The following TMEM80 variants were observed in gnomAD, a reference collection of about 807,000 sequenced individuals.
TMEM80 encodes transmembrane protein 80.
In TMEM80, 16 loss-of-function variants were observed where a neutral mutation model predicts 13.6. That is an observed-to-expected ratio of 1.17 (90% CI 0.79 to 1.78). The LOEUF is 1.78. Among genes scored for constraint, TMEM80 ranks in the 40% most tolerant of loss-of-function variants. The pLI is 0.00. For synonymous variants in TMEM80, 92 were observed against 89.5 expected, an observed-to-expected ratio of 1.03 and a Z score of -0.16; for missense variants, 167 against 184.6, an observed-to-expected ratio of 0.90 and a Z score of 0.55.
chr11:704,346 G>T, downstream of TMEM80: 1 of 899,386 alleles, frequency 1.1e-6, no homozygotes, highest in Non-Finnish European at 1.5e-6. Flanking sequence ...CTGTGGCTGT[G>T]GCACCTGGAC....
At chr11:704,367 G>GTGGCA, downstream of TMEM80, 1 of 1,064,550 alleles carries the variant, frequency 9.4e-7, no homozygotes, top group Non-Finnish European at 1.3e-6. Context: ...AGTCTTTCCT[G>GTGGCA]CCTGTCTTCG....
chr11:700,806 G>T, intron 4 of TMEM80, 99 bp downstream of exon 4: 1 of 1,173,174 alleles, frequency 8.5e-7, no homozygotes, highest in South Asian at 1.2e-5. Context: ...GGTTCTCAGA[G>T]ACATTTTTTA....
At chr11:696,188 A>G (rs1413102804) in intron 1 of TMEM80, among the ~76,000 whole-genome samples, 1 of 151,934 alleles carries the variant, frequency 6.6e-6, no homozygotes, top group Non-Finnish European at 1.5e-5. Flanking sequence ...GTAGCCTTGG[A>G]ACTCTCGCCA....
chr11:700,303 G>C, intron 3 of TMEM80, 68 bp downstream of exon 3: 3 of 1,399,340 alleles, frequency 2.1e-6, no homozygotes, highest in Non-Finnish European at 3.0e-6. Flanking sequence ...GAGGTGGGCG[G>C]ATCACTTGAG....
intron 1 of TMEM80, chr11:697,598 A>G (rs1334270988): frequency 6.6e-6 from 1 of 152,222 alleles, no homozygotes; most frequent in African/African-American, 2.4e-5. Flanking sequence ...CAACTAGCAG[A>G]CACATTGGAA....
At chr11:701,511 C>G (rs11246272) in intron 4 of TMEM80, among the ~76,000 whole-genome samples, 15 of 149,574 alleles carry the variant, frequency 1.0e-4, no homozygotes, top group Admixed American at 1.0e-3. Context: ...CCCGGGTTCA[C>G]GCCAGTCTCC....
downstream of TMEM80, chr11:704,606 C>T (rs1420373274): frequency 1.7e-6 from 2 of 1,199,914 alleles, no homozygotes; most frequent in Admixed American, 5.8e-5. Flanking sequence ...CAGGGAAGGA[C>T]CCCCTCCCTG....
chr11:702,419 A>G (rs1030574077), intron 4 of TMEM80, among the ~76,000 whole-genome samples: 1 of 152,212 alleles, frequency 6.6e-6, no homozygotes, highest in African/African-American at 2.4e-5. Flanking sequence ...TGCTAGGCCA[A>G]CGGGACCCTC....
Position 700,376 on chromosome 11 carries a change from AAGT to A in TMEM80, c.133+144_133+146del, listed in dbSNP as rs1481930521. 15 of 817,740 alleles carry A rather than the reference AAGT, an allele frequency of 1.8e-5. No homozygotes were observed. The East Asian group carries it at 3.0e-4, about 17-fold the overall frequency. The allele number at this position is 817,740 out of a possible 1,614,324, so 50.7% of individuals were successfully genotyped here. ...ACCCCATCTCTACTAAAAACACAAA[AAGT>A]AGCCGGGCGTGGTGGTGGGCGCCTG... On this transcript the variant is annotated intron_variant, in intron 3 of 4. Coordinates refer to ENST00000397510, the MANE Select transcript of TMEM80 (RefSeq NM_001042463.3).
downstream of TMEM80, chr11:704,631 T>C (rs944223663): frequency 3.9e-6 from 5 of 1,289,374 alleles, no homozygotes; most frequent in Non-Finnish European, 4.0e-6. Flanking sequence ...TGGAGACCTG[T>C]TGCCTTCATG....
Position 700,230 on chromosome 11 carries a change from A to G in TMEM80, c.128A>G (p.Tyr43Cys). The G allele has an allele frequency of 6.2e-7, 1 of 1,613,624 alleles. No homozygotes were observed. Among genetic ancestry groups the G allele is most frequent in the Non-Finnish European group, 8.5e-7 (1 of 1,179,846 alleles). The change falls in exon 3 of 5, where the codon TAT (tyrosine) becomes TGT (cysteine). Residue 43 changes from tyrosine (Y) to cysteine (C), a missense_variant. By Grantham distance (194) the Tyr-to-Cys change is radical. Transcript: ENST00000397510. ...YFLATLLMIT[Y>C]KSQVFSYPHR... Reference sequence around the variant, plus strand: ...CTCGCCACGCTCCTGATGATCACGTATAAAAGTAAGTCAGGGACGGGCACA... The same window carrying G: ...CTCGCCACGCTCCTGATGATCACGTGTAAAAGTAAGTCAGGGACGGGCACA...
At chr11:696,312 C>G (rs767937438) in intron 1 of TMEM80, among the ~76,000 whole-genome samples, 1 of 152,112 alleles carries the variant, frequency 6.6e-6, no homozygotes, top group African/African-American at 2.4e-5. Flanking sequence ...GAGCCGCCTT[C>G]TGCTGTCTGT....
At position 703,668 on chromosome 11, in the gene TMEM80, AC is replaced by A. The variant is rs1341948605; in HGVS notation, c.*522del. 8 of 1,232,176 alleles carry A rather than the reference AC, an allele frequency of 6.5e-6. No homozygotes were observed. The highest frequency in any genetic ancestry group is 8.1e-6 in the Non-Finnish European group (8 of 988,392). 76.3% of individuals were successfully genotyped at this position (1,232,176 alleles called of 1,614,324 possible). Reference sequence around the variant, plus strand: ...TGGGGTAGGCCTTGTGCTCTGAGCAACCCCAGCTCTGCCTCACAGGCAGGCA... The same window carrying A: ...TGGGGTAGGCCTTGTGCTCTGAGCAACCCAGCTCTGCCTCACAGGCAGGCA... On this transcript the variant is annotated 3_prime_UTR_variant, in exon 5 of 5. Transcript: ENST00000397510.
At chr11:699,438 A>T (rs1861344039) in intron 2 of TMEM80, 1 of 153,508 alleles carries the variant, frequency 6.5e-6, no homozygotes, top group African/African-American at 2.5e-5. Flanking sequence ...ACAGAAATAT[A>T]TTTCCTCTGA....
downstream of TMEM80, chr11:704,295 A>C: frequency 4.4e-6 from 3 of 687,998 alleles, no homozygotes; most frequent in South Asian, 1.8e-5. Context: ...AGGCTGCGGG[A>C]CTGTCCTGGG....
At position 700,239 on chromosome 11, in the gene TMEM80, A is replaced by G. The variant is rs1861382793; in HGVS notation, c.133+4A>G. On this transcript the variant is annotated splice_donor_region_variant and intron_variant, in intron 3 of 4. Coordinates refer to ENST00000397510, the MANE Select transcript of TMEM80 (RefSeq NM_001042463.3). ...CTCCTGATGATCACGTATAAAAGTAAGTCAGGGACGGGCACAGTGGCTCAC... is the reference window on the plus strand; with the variant it reads ...CTCCTGATGATCACGTATAAAAGTAGGTCAGGGACGGGCACAGTGGCTCAC... 6 of 1,612,814 alleles carry G rather than the reference A, an allele frequency of 3.7e-6. No individual in the cohort carries two copies. The highest frequency in any genetic ancestry group is 5.1e-6 in the Non-Finnish European group (6 of 1,179,438).
chr11:697,208 C>G (rs1393304245), intron 1 of TMEM80, among the ~76,000 whole-genome samples: 1 of 151,930 alleles, frequency 6.6e-6, no homozygotes, highest in African/African-American at 2.4e-5. Flanking sequence ...GAGCTGTGAT[C>G]AGGCCACTGC....
rs999127499 is a variant in TMEM80 at position 695,826 on chromosome 11, A to G, written c.-2A>G. 1.9e-5 allele frequency: 23 copies of G among 1,230,886 alleles called. No homozygotes were observed. Among genetic ancestry groups the G allele is most frequent in the Non-Finnish European group, 2.2e-5 (22 of 986,536 alleles). The allele number at this position is 1,230,886 out of a possible 1,614,324, so 76.2% of individuals were successfully genotyped here. A position where few individuals can be genotyped will look rare whatever the true frequency, so the allele number is the denominator to read the frequency against. On this transcript the variant is annotated 5_prime_UTR_variant, in exon 1 of 5. Transcript: ENST00000397510. ...GACGGACCGGCGGGCGGGGCGGGTA[A>G]GATGGCGGCCCCGCGGCGAGGTGAG... is the stretch of plus-strand genomic sequence containing the variant.
chr11:696,226 G>A (rs1861149726), intron 1 of TMEM80, among the ~76,000 whole-genome samples: 1 of 152,110 alleles, frequency 6.6e-6, no homozygotes, highest in South Asian at 2.1e-4. Flanking sequence ...CGGTGCCTCA[G>A]CCGTCCTGCC....
Sources: allele counts gnomAD v4.1 joint callset (sites outside exome capture counted in the v4.1 genomes callset), GRCh38; gene constraint gnomAD v4.1.1; transcripts MANE v1.5; gene names NCBI Gene and HGNC (gene_info 2026-07-23, HGNC 2026-07-21).